Variants in GALNT13 observed in about 807,000 individuals in gnomAD.
GALNT13 encodes the protein polypeptide N-acetylgalactosaminyltransferase 13, also known as UDP-GalNAc:polypeptide N-acetylgalactosaminyltransferase 13.
In GALNT13, 28 loss-of-function variants were observed where a neutral mutation model predicts 64.2. The ratio of observed to expected loss-of-function variants is 0.44; its 90% CI spans 0.32 to 0.60. The LOEUF is 0.60. Ranked by LOEUF, GALNT13 falls within the 20% of genes least tolerant of loss-of-function variation. GALNT13 has a pLI of 0.05. For missense variants in GALNT13, 577 were observed against 669.8 expected (o/e 0.86, Z 1.53); for synonymous variants, 214 against 224.6 (o/e 0.95, Z 0.42).
intron 3 of GALNT13, among the ~76,000 whole-genome samples, chr2:153,949,564 C>T (rs912213505): frequency 3.4e-4 from 51 of 150,110 alleles, no homozygotes; most frequent in African/African-American, 1.0e-3. Context: ...TTGAGGTTTA[C>T]AGCATAAGAG....
chr2:153,394,694 T>C, the GALNT13 span, among the ~76,000 whole-genome samples: 3 of 152,160 alleles, frequency 2.0e-5, no homozygotes, highest in Non-Finnish European at 4.4e-5. Flanking sequence ...GTTAAATACA[T>C]AATGTCTTTC....
chr2:154,126,496 G>A (rs1466196108), intron 3 of GALNT13, among the ~76,000 whole-genome samples: 3 of 151,960 alleles, frequency 2.0e-5, no homozygotes, highest in African/African-American at 7.2e-5. Context: ...TCAGCTGGGC[G>A]TGGTGGTGGG....
the GALNT13 span, among the ~76,000 whole-genome samples, chr2:153,630,789 ATATATATATATATATATATTTTTT>A: frequency 1.1e-3 from 13 of 12,374 alleles, no homozygotes; most frequent in East Asian, 0.028. Flanking sequence ...ATATATATAT[ATATATATATATATATATATTTTTT>A]TTTTTTTTTT....
At chr2:153,462,540 T>C in the GALNT13 span, among the ~76,000 whole-genome samples, 3 of 152,138 alleles carry the variant, frequency 2.0e-5, no homozygotes, top group African/African-American at 7.2e-5. Flanking sequence ...TCTTGAAGAT[T>C]GATGCAGCCT....
the GALNT13 span, among the ~76,000 whole-genome samples, chr2:153,582,275 C>A: frequency 1.3e-5 from 2 of 152,214 alleles, no homozygotes; most frequent in East Asian, 3.9e-4. Flanking sequence ...GATTAATGTT[C>A]CGTATTGATG....
the GALNT13 span, among the ~76,000 whole-genome samples, chr2:153,396,592 C>T: frequency 6.6e-6 from 1 of 151,902 alleles, no homozygotes; most frequent in South Asian, 2.1e-4. Flanking sequence ...CATAATAGTT[C>T]TATGTGAGTA....
the GALNT13 span, among the ~76,000 whole-genome samples, chr2:153,174,262 A>G: frequency 1.3e-5 from 2 of 152,178 alleles, no homozygotes; most frequent in Admixed American, 1.3e-4. Flanking sequence ...TTGCATCCAA[A>G]TAGTTCGATT....
At chr2:154,079,972 T>C (rs1701188439) in intron 3 of GALNT13, among the ~76,000 whole-genome samples, 1 of 151,612 alleles carries the variant, frequency 6.6e-6, no homozygotes, top group African/African-American at 2.4e-5. Context: ...TTTTTTGAAG[T>C]TGAGTATATT....
chr2:153,584,191 A>T, the GALNT13 span, among the ~76,000 whole-genome samples: 4 of 152,116 alleles, frequency 2.6e-5, no homozygotes, highest in Non-Finnish European at 5.9e-5. Context: ...TCCTCACCCA[A>T]GCATTTCACC....
the GALNT13 span, among the ~76,000 whole-genome samples, chr2:153,585,820 C>T: frequency 0.02 from 3,023 of 151,774 alleles, 81 homozygotes; most frequent in African/African-American, 0.059. Flanking sequence ...ATTCTGGTTT[C>T]GGCAAGATTA....
At chr2:153,573,689 T>C in the GALNT13 span, among the ~76,000 whole-genome samples, 1 of 152,170 alleles carries the variant, frequency 6.6e-6, no homozygotes, top group African/African-American at 2.4e-5. Context: ...CTTAACACTA[T>C]TTGTATGAAC....
At chr2:153,212,597 C>T in the GALNT13 span, among the ~76,000 whole-genome samples, 845 of 152,222 alleles carry the variant, frequency 5.6e-3, 8 homozygotes, top group African/African-American at 0.019. Flanking sequence ...AGGACTTTTA[C>T]TAGGCAAATA....
chr2:153,934,406 G>T lies in GALNT13; in HGVS notation c.-104-9988G>T, dbSNP rs530888174. 1.2e-3 allele frequency among the ~76,000 whole-genome samples: 186 copies of T among 152,242 alleles called. 2 individuals are homozygous for T. The highest frequency in any genetic ancestry group is 4.2e-3 in the African/African-American group (176 of 41,540). On this transcript the variant is annotated intron_variant, in intron 2 of 12. Transcript: ENST00000392825. ...TTGTGTGTGTGATGATCTCAGGTCT[G>T]TGAAGGTTCTGGAATTTGATTTTAC...
chr2:154,350,015 C>T (rs1696302221), intron 9 of GALNT13, among the ~76,000 whole-genome samples: 1 of 152,150 alleles, frequency 6.6e-6, no homozygotes, highest in South Asian at 2.1e-4. Flanking sequence ...AACCTAAAGT[C>T]TATGGGATTC....
At chr2:153,609,187 C>G in the GALNT13 span, among the ~76,000 whole-genome samples, 24 of 152,076 alleles carry the variant, frequency 1.6e-4, no homozygotes, top group Admixed American at 2.0e-4. Flanking sequence ...CCTCAGCCCC[C>G]CAAAGTGCTG....
chr2:154,301,690 T>TTA, intron 9 of GALNT13, 101 bp downstream of exon 9: 2 of 785,664 alleles, frequency 2.5e-6, no homozygotes, highest in Non-Finnish European at 4.0e-6. Flanking sequence ...AGTTAAAATA[T>TTA]TGTTTATTAC....
chr2:154,069,613 ATAGC>A (rs920449034), intron 3 of GALNT13, among the ~76,000 whole-genome samples: 5 of 152,106 alleles, frequency 3.3e-5, no homozygotes, highest in Non-Finnish European at 7.4e-5. Flanking sequence ...TTCAAAAGAC[ATAGC>A]TAGAATAATG....
chr2:153,325,829 A>C, the GALNT13 span, among the ~76,000 whole-genome samples: 1 of 152,168 alleles, frequency 6.6e-6, no homozygotes, highest in East Asian at 1.9e-4. Context: ...CTTAATCCTG[A>C]GTTCTAATTT....
chr2:153,117,674 T>C, the GALNT13 span, among the ~76,000 whole-genome samples: 1 of 152,212 alleles, frequency 6.6e-6, no homozygotes, highest in Admixed American at 6.5e-5. Context: ...ACTTACATGT[T>C]GATGTCTCCT....
Sources: allele counts gnomAD v4.1 joint callset (sites outside exome capture counted in the v4.1 genomes callset), GRCh38; gene constraint gnomAD v4.1.1; transcripts MANE v1.5; gene names NCBI Gene and HGNC (gene_info 2026-07-23, HGNC 2026-07-21).